The following CNOT6L variants were observed in gnomAD, a reference collection of about 807,000 sequenced individuals.
The protein encoded by CNOT6L is CCR4-NOT transcription complex subunit 6-like.
Under a neutral mutation model 64.0 loss-of-function variants are expected in CNOT6L, and 7 were observed. The ratio of observed to expected loss-of-function variants is 0.11; its 90% CI spans 0.06 to 0.21. CNOT6L has a LOEUF of 0.21. CNOT6L is among the 10% of genes least tolerant of loss of function. The pLI, the probability that CNOT6L is intolerant of heterozygous loss-of-function variation, is 1.00. For synonymous variants in CNOT6L, 193 were observed against 243.4 expected, an observed-to-expected ratio of 0.79 and a Z score of 1.93; for missense variants, 245 against 669.0, an observed-to-expected ratio of 0.37 and a Z score of 6.99.
At chr4:77,738,668 G>C (rs970595622) in intron 8 of CNOT6L, among the ~76,000 whole-genome samples, 1 of 147,730 alleles carries the variant, frequency 6.8e-6, no homozygotes, top group African/African-American at 2.5e-5. Context: ...CAGGAGAATT[G>C]CTTGAACCTG....
intron 1 of CNOT6L, among the ~76,000 whole-genome samples, chr4:77,803,249 A>C (rs1731807369): frequency 6.6e-6 from 1 of 152,228 alleles, no homozygotes; most frequent in African/African-American, 2.4e-5. Flanking sequence ...CACTATAATT[A>C]ACAAATTCCA....
At position 77,715,920 on chromosome 4, in the gene CNOT6L, T is replaced by C. The variant is rs1720703747; in HGVS notation, c.*4511A>G. 6.6e-6 allele frequency: 1 copy of C among 152,478 alleles called. No homozygotes were observed. The allele number at this position is 152,478 out of a possible 1,614,324, so 9.4% of individuals were successfully genotyped here. On this transcript the variant is annotated 3_prime_UTR_variant, in exon 12 of 12. Coordinates refer to ENST00000504123, the MANE Select transcript of CNOT6L (RefSeq NM_144571.3). ...ATGTTTGAATTAATTTTGGTGATCA[T>C]GATGCTATTACAAAATTAGAATCGC...
chr4:77,773,882 AG>A (rs1396637764), intron 3 of CNOT6L, among the ~76,000 whole-genome samples: 1 of 152,196 alleles, frequency 6.6e-6, no homozygotes, highest in African/African-American at 2.4e-5. Context: ...AGCAGCCTAT[AG>A]GAAAAAAATA....
intron 1 of CNOT6L, among the ~76,000 whole-genome samples, chr4:77,793,016 C>T (rs977468325): frequency 6.6e-6 from 1 of 151,018 alleles, no homozygotes; most frequent in Non-Finnish European, 1.5e-5. Flanking sequence ...CTCAGGACAG[C>T]CCCCACAACA....
chr4:77,735,594 G>T (rs1326787770), intron 8 of CNOT6L, among the ~76,000 whole-genome samples: 2 of 152,050 alleles, frequency 1.3e-5, no homozygotes, highest in Non-Finnish European at 2.9e-5. Context: ...GACTCTCTTG[G>T]CTTACCAATC....
intron 5 of CNOT6L, among the ~76,000 whole-genome samples, chr4:77,752,896 G>A (rs1029708762): frequency 6.6e-6 from 1 of 151,726 alleles, no homozygotes; most frequent in Admixed American, 6.6e-5. Context: ...GAAGACCAAT[G>A]AAGCTAAAAG....
At chr4:77,747,525 T>C (rs1396111922) in intron 6 of CNOT6L, among the ~76,000 whole-genome samples, 1 of 152,168 alleles carries the variant, frequency 6.6e-6, no homozygotes, top group Non-Finnish European at 1.5e-5. Context: ...TCCAAACACT[T>C]AGAATTTTCA....
At chr4:77,730,981 A>G (rs1722390695) in intron 9 of CNOT6L, among the ~76,000 whole-genome samples, 1 of 152,160 alleles carries the variant, frequency 6.6e-6, no homozygotes, top group South Asian at 2.1e-4. Flanking sequence ...AGATATAACA[A>G]AGAAACTAGA....
At position 77,809,687 on chromosome 4, in the gene CNOT6L, G is replaced by T. The variant is rs1732683877; in HGVS notation, c.5+9617C>A. Among the ~76,000 whole-genome samples, 4 of 152,106 alleles carry T rather than the reference G, an allele frequency of 2.6e-5. No individual in the cohort carries two copies. The South Asian group carries it at 8.3e-4, about 32-fold the overall frequency. On this transcript the variant is annotated intron_variant, in intron 1 of 11. Transcript: ENST00000504123. ...TTTGTATAGAGAGACATTAAGGTTG[G>T]GATATACTAAATTTAGTTCTATTCT...
intron 1 of CNOT6L, among the ~76,000 whole-genome samples, chr4:77,779,470 A>G (rs1262934462): frequency 6.6e-6 from 1 of 152,184 alleles, no homozygotes; most frequent in Admixed American, 6.5e-5. Context: ...CAGATATTAT[A>G]TAGAACTAGA....
At chr4:77,723,425 T>C (rs536312696) in intron 11 of CNOT6L, among the ~76,000 whole-genome samples, 1 of 152,188 alleles carries the variant, frequency 6.6e-6, no homozygotes, top group Non-Finnish European at 1.5e-5. Context: ...GATCTGCATT[T>C]GATGCTGATC....
At chr4:77,818,680 G>A (rs1031834358) in intron 1 of CNOT6L, among the ~76,000 whole-genome samples, 11 of 152,116 alleles carry the variant, frequency 7.2e-5, no homozygotes, top group African/African-American at 2.4e-4. Context: ...AGACGCGGAG[G>A]CGGCCACGGC....
At chr4:77,753,154 TAAAG>T (rs1186673644) in intron 5 of CNOT6L, among the ~76,000 whole-genome samples, 1 of 121,374 alleles carries the variant, frequency 8.2e-6, no homozygotes, top group African/African-American at 3.0e-5. Flanking sequence ...CTATAATTAT[TAAAG>T]AAATTAAATC....
Sources: gnomAD v4.1 joint callset for allele counts (sites outside exome capture counted in the v4.1 genomes callset) on GRCh38, gnomAD v4.1.1 for gene constraint, MANE v1.5 for transcripts, NCBI Gene and HGNC (gene_info 2026-07-23, HGNC 2026-07-21) for gene names.